C11orf65: variants seen among roughly 807,000 people sequenced by gnomAD.
The protein encoded by C11orf65 is protein MFI.
In C11orf65, 38 loss-of-function variants were observed where a neutral mutation model predicts 35.3. The ratio of observed to expected loss-of-function variants is 1.08; its 90% CI spans 0.83 to 1.41. The LOEUF is 1.41. Ranked by LOEUF, C11orf65 falls within the 40% of genes most tolerant of loss-of-function variation. C11orf65 has a pLI of 0.00. For missense variants in C11orf65, 370 were observed against 367.1 expected, an observed-to-expected ratio of 1.01 and a Z score of -0.06; for synonymous variants, 105 against 114.4, an observed-to-expected ratio of 0.92 and a Z score of 0.53.
At chr11:108,388,756 C>T (rs1000580787) in intron 7 of C11orf65, among the ~76,000 whole-genome samples, 4 of 152,270 alleles carry the variant, frequency 2.6e-5, no homozygotes, top group African/African-American at 9.6e-5. Context: ...CAGCAAAAGC[C>T]ACGGTAGCTG....
At chr11:108,308,852 T>G in exon 7 of C11orf65, 1 of 608,744 alleles carries the variant, frequency 1.6e-6, no homozygotes, top group Middle Eastern at 2.5e-4. Context: ...TTATTTTACC[T>G]TAGAGTTTTA....
intron 2 of C11orf65, among the ~76,000 whole-genome samples, chr11:108,349,646 G>C (rs1375066994): frequency 6.6e-5 from 10 of 152,102 alleles, no homozygotes; most frequent in Non-Finnish European, 1.5e-5. Flanking sequence ...CTGGGCGGCA[G>C]AGCAAGACTG....
downstream of C11orf65, chr11:108,331,077 C>T: frequency 2.6e-6 from 2 of 771,160 alleles, no homozygotes; most frequent in Non-Finnish European, 3.2e-6. Flanking sequence ...TACTTTTGGC[C>T]TATGGGGAAA....
At chr11:108,410,970 A>G (rs1361884622) in intron 3 of C11orf65, among the ~76,000 whole-genome samples, 2 of 151,982 alleles carry the variant, frequency 1.3e-5, no homozygotes, top group Non-Finnish European at 2.9e-5. Context: ...TGGCCTCCCA[A>G]ACTGCTGGTA....
rs34099398 is a variant in C11orf65, at chr11:108,333,957, A to G, written c.299+1263T>C. ...TTTAGAAGATGTTGTTGTCCCTACT[A>G]TGGAAATTAAGGTAATTTGCAATTA... On this transcript the variant is annotated intron_variant, in intron 3 of 3. Transcript: ENST00000524755. The G allele has an allele frequency of 2.7e-5, 43 of 1,608,074 alleles. No homozygotes were observed. The highest frequency in any genetic ancestry group is 3.6e-5 in the Non-Finnish European group (42 of 1,174,900).
intron 8 of C11orf65, 87 bp from the exon 9 acceptor site, chr11:108,383,262 A>C: frequency 1.8e-6 from 2 of 1,133,808 alleles, no homozygotes; most frequent in South Asian, 3.3e-5. Context: ...TCTGTTCCAC[A>C]TTCCTTTTCA....
intron 2 of C11orf65, among the ~76,000 whole-genome samples, chr11:108,434,610 A>C (rs980579108): frequency 6.6e-6 from 1 of 151,948 alleles, no homozygotes; most frequent in Non-Finnish European, 1.5e-5. Context: ...ACTTGCCAAC[A>C]CAGAGACTAA....
intron 2 of C11orf65, chr11:108,340,458 T>C (rs1397204764): frequency 6.6e-6 from 1 of 152,176 alleles, no homozygotes; most frequent in Non-Finnish European, 1.5e-5. Context: ...CACCAAGTAA[T>C]GGGAGTCATT....
intron 6 of C11orf65, among the ~76,000 whole-genome samples, chr11:108,315,530 A>C (rs1047249559): frequency 2.6e-5 from 4 of 152,130 alleles, no homozygotes; most frequent in African/African-American, 9.7e-5. Flanking sequence ...AAAATTTTTC[A>C]GTAGTTCTAA....
In C11orf65 at chr11:108,325,516, T is replaced by C; in HGVS notation, c.641-16445A>G. On this transcript the variant is annotated intron_variant, in intron 6 of 6. Transcript: ENST00000525729. Reference sequence around the variant, plus strand: ...ACCAAACACCTTGTAGAACTCTCTATACTGGCCAGAACTTTCAAGAACACT... The same window carrying C: ...ACCAAACACCTTGTAGAACTCTCTACACTGGCCAGAACTTTCAAGAACACT... The C allele has an allele frequency of 6.2e-7, 1 of 1,611,604 alleles. No individual in the cohort carries two copies. The highest frequency in any genetic ancestry group is 8.5e-7 in the Non-Finnish European group (1 of 1,178,726).
At chr11:108,410,113 G>C (rs1467689040) in intron 3 of C11orf65, among the ~76,000 whole-genome samples, 1 of 152,152 alleles carries the variant, frequency 6.6e-6, no homozygotes, top group Non-Finnish European at 1.5e-5. Context: ...GTAATTTGCT[G>C]TACTAGTGAC....
intron 6 of C11orf65, among the ~76,000 whole-genome samples, chr11:108,395,046 G>A (rs946518496): frequency 6.6e-6 from 1 of 151,804 alleles, no homozygotes; most frequent in South Asian, 2.1e-4. Flanking sequence ...TGGGAGAATT[G>A]TTTGAGCCCA....
chr11:108,428,366 G>A (rs1362929672), intron 3 of C11orf65, among the ~76,000 whole-genome samples: 1 of 152,206 alleles, frequency 6.6e-6, no homozygotes, highest in Non-Finnish European at 1.5e-5. Flanking sequence ...GCACACGTAT[G>A]TTTATTGGAG....
intron 6 of C11orf65, among the ~76,000 whole-genome samples, chr11:108,311,595 G>C (rs750662959): frequency 2.6e-4 from 39 of 152,062 alleles, no homozygotes; most frequent in Non-Finnish European, 5.6e-4. Flanking sequence ...CAACTCAGGA[G>C]GCTGAGGGAG....
At chr11:108,437,772 T>C (rs950313535) in intron 2 of C11orf65, among the ~76,000 whole-genome samples, 3 of 137,354 alleles carry the variant, frequency 2.2e-5, no homozygotes, top group African/African-American at 8.2e-5. Flanking sequence ...ACACCCCACA[T>C]TCACAGATTG....
At chr11:108,439,376 G>A (rs752835624) in intron 2 of C11orf65, among the ~76,000 whole-genome samples, 6 of 152,220 alleles carry the variant, frequency 3.9e-5, no homozygotes, top group Non-Finnish European at 7.3e-5. Context: ...CTTGTGCATT[G>A]CTGGTGGGAA....
upstream of C11orf65, among the ~76,000 whole-genome samples, chr11:108,469,541 A>G (rs1188606825): frequency 6.6e-6 from 1 of 151,732 alleles, no homozygotes; most frequent in Non-Finnish European, 1.5e-5. Flanking sequence ...TTACTTTTGC[A>G]TCAACCTAAT....
At chr11:108,399,563 C>G (rs959054937) in intron 6 of C11orf65, among the ~76,000 whole-genome samples, 2 of 152,130 alleles carry the variant, frequency 1.3e-5, no homozygotes, top group African/African-American at 4.8e-5. Context: ...CATATTCCCC[C>G]CTGTTAACTT....
intron 3 of C11orf65, among the ~76,000 whole-genome samples, chr11:108,418,714 T>G (rs773015010): frequency 6.6e-6 from 1 of 151,850 alleles, no homozygotes; most frequent in Non-Finnish European, 1.5e-5. Flanking sequence ...AGCTAAAAAT[T>G]GTTTTTGGAA....
Sources: allele counts gnomAD v4.1 joint callset (sites outside exome capture counted in the v4.1 genomes callset), GRCh38; gene constraint gnomAD v4.1.1; transcripts MANE v1.5; gene names NCBI Gene and HGNC (gene_info 2026-07-23, HGNC 2026-07-21).